Variants in CCNL2 observed in about 807,000 individuals in gnomAD.
The protein encoded by CCNL2 is cyclin-L2.
Under a neutral mutation model 59.1 loss-of-function variants are expected in CCNL2, and 28 were observed. The observed-to-expected ratio is 0.47, with a 90% CI of 0.35 to 0.65. The LOEUF (loss-of-function observed/expected upper bound fraction) is 0.65. Among genes scored for constraint, CCNL2 ranks in the 30% least tolerant of loss-of-function variants. The pLI is 0.00. For missense variants in CCNL2, 714 were observed against 717.4 expected, an observed-to-expected ratio of 1.00 and a Z score of 0.05; for synonymous variants, 342 against 288.6, an observed-to-expected ratio of 1.19 and a Z score of -1.88.
intron 8 of CCNL2, chr1:1,388,585 A>C (rs146981251): frequency 0.071 from 22,861 of 319,914 alleles, 678 homozygotes; most frequent in South Asian, 0.12. Context: ...CTCTCTCTCT[A>C]TATATATATA....
chr1:1,391,028 A>G (rs1644736708), intron 5 of CCNL2, 163 bp from the exon 6 acceptor site: 2 of 912,002 alleles, frequency 2.2e-6, no homozygotes, highest in African/African-American at 3.4e-5. Flanking sequence ...GTTAATGGAG[A>G]AATATTCTAG....
rs565206447 is a variant in CCNL2 at position 1,387,983 on chromosome 1, C to G, written c.1089G>C (p.Lys363Asn). The G allele has an allele frequency of 6.2e-7, 1 of 1,614,136 alleles. No individual in the cohort carries two copies. The highest frequency in any genetic ancestry group is 8.5e-7 in the Non-Finnish European group (1 of 1,180,038). The stretch of plus-strand genomic sequence containing the variant: ...TCACGGGGCTGTCCGCCTTGGCTTT[C>G]TTGGCGCCCTCCAGCCTCCTCTTGG... Reference protein sequence around the residue: ...KNTKRRLEGAKKAKADSPVNG... With the variant: ...KNTKRRLEGANKAKADSPVNG... The change falls in exon 9 of 11, where the codon AAG becomes AAC. Residue 363 changes from lysine to asparagine, a missense_variant. Lys to Asn is a moderately conservative substitution (Grantham distance 94). Around this residue, in one of 5 missense-constraint regions of CCNL2, gnomAD observed 403 missense variants for 377.7 expected, o/e 1.07. Transcript: ENST00000400809.
chr1:1,398,534 A>T, intron 2 of CCNL2, 63 bp downstream of exon 2: 1 of 1,590,968 alleles, frequency 6.3e-7, no homozygotes. Context: ...AACCGGGCAA[A>T]GTAACAAACC....
Position 1,394,132 on chromosome 1 carries a change from A to C in CCNL2, c.595-672T>G, listed in dbSNP as rs1007914575. On this transcript the variant is annotated intron_variant, in intron 4 of 10. Transcript: ENST00000400809. Reference sequence around the variant, plus strand: ...AGAGCGAGATTCCGTCTCCAAAAAAAAAAAAAAAGCACTTCAATCTGTGGT... The same window carrying C: ...AGAGCGAGATTCCGTCTCCAAAAAACAAAAAAAAGCACTTCAATCTGTGGT... 3.3e-5 allele frequency among the ~76,000 whole-genome samples: 5 copies of C among 152,116 alleles called. 1 individual carries two copies. Among genetic ancestry groups the C allele is most frequent in the Non-Finnish European group, 7.4e-5 (5 of 68,020 alleles).
At chr1:1,395,253 G>T in intron 4 of CCNL2, 141 bp downstream of exon 4, 1 of 792,860 alleles carries the variant, frequency 1.3e-6, no homozygotes, top group Non-Finnish European at 2.0e-6. Flanking sequence ...CTATTCTTGA[G>T]ATTATAAATA....
chr1:1,395,602 TAACAC>T, intron 3 of CCNL2, 88 bp from the exon 4 acceptor site: 26 of 1,557,554 alleles, frequency 1.7e-5, no homozygotes, highest in Non-Finnish European at 2.3e-5. Flanking sequence ...TATGAGCACC[TAACAC>T]AAACCCCACA....
chr1:1,393,039 T>C (rs1451491195), intron 5 of CCNL2: 1 of 604,944 alleles, frequency 1.7e-6, no homozygotes. Context: ...TCCCATGGGA[T>C]GCAATGTCAG....
In CCNL2 at chr1:1,390,751, T is replaced by C. The variant is rs1324004831; in HGVS notation, c.759+15A>G. The C allele has an allele frequency of 6.2e-7, 1 of 1,610,010 alleles. No homozygotes were observed. The highest frequency in any genetic ancestry group is 8.5e-7 in the Non-Finnish European group (1 of 1,176,414). On this transcript the variant is annotated intron_variant, in intron 6 of 10. Transcript: ENST00000400809. ...AAATCAGACTAGAATCTCTCCATAG[T>C]AGCAACACACTGACCTCCAGCGTCC...
chr1:1,396,924 T>C (rs1645066419), intron 3 of CCNL2, among the ~76,000 whole-genome samples: 1 of 152,054 alleles, frequency 6.6e-6, no homozygotes, highest in Non-Finnish European at 1.5e-5. Flanking sequence ...AACTTTTTTG[T>C]ATTTTTAGTA....
Position 1,390,511 on chromosome 1 carries a change from T to C in CCNL2, c.812A>G (p.Glu271Gly). ...CTTTAAGCAGATTTCCTGAATTTCT[T>C]CTTCAGTTGCTCCAAACAAAAGAAA... ...HWFLLFGATE[E>G]EIQEICLKIL... The change falls in exon 7 of 11, where the codon GAA becomes GGA. Residue 271 changes from glutamate (E) to glycine (G), a missense_variant. Around this residue, in one of 5 missense-constraint regions of CCNL2, gnomAD observed 403 missense variants for 377.7 expected, o/e 1.07. Coordinates refer to ENST00000400809, the MANE Select transcript of CCNL2 (RefSeq NM_030937.6). 1.2e-6 allele frequency: 2 copies of C among 1,613,854 alleles called. No homozygotes were observed. The highest frequency in any genetic ancestry group is 1.7e-6 in the Non-Finnish European group (2 of 1,179,964).
rs1182289110 is a variant in CCNL2 at position 1,387,050 on chromosome 1, A to G, written c.*181T>C. 1 of 578,610 alleles carries G rather than the reference A, an allele frequency of 1.7e-6. No homozygotes were observed. Among genetic ancestry groups the G allele is most frequent in the South Asian group, 2.4e-5 (1 of 41,204 alleles). 35.8% of individuals were successfully genotyped at this position (578,610 alleles called of 1,614,324 possible). A position where few individuals can be genotyped will look rare whatever the true frequency, so the allele number is the denominator to read the frequency against. ...CTGAAGCACGTGTCACCGGTCCCTC[A>G]GTTCCATTTCCAAATCCACCAAGGT... On this transcript the variant is annotated 3_prime_UTR_variant, in exon 11 of 11. Transcript: ENST00000400809.
At chr1:1,390,894 A>G (rs752552006) in intron 5 of CCNL2, 29 bp from the exon 6 acceptor site, 3 of 1,580,214 alleles carry the variant, frequency 1.9e-6, no homozygotes, top group Admixed American at 3.3e-5. Flanking sequence ...AAGAACTGCA[A>G]TGCCCCACCC....
chr1:1,395,510 G>A lies in CCNL2; in HGVS notation c.478C>T (p.Pro160Ser). ...TCTTGATCCAGTAGTAGAGGCACGG[G>A]CTTCCTGCCAGAGAGAGAGCACAGG... ...RLRQLRDKKK[P>S]VPLLLDQDYV... Residue 160 changes from proline to serine, a missense_variant, in exon 4 of 11, where the codon CCC becomes TCC. By Grantham distance (74) the Pro-to-Ser change is moderately conservative. Around this residue, in one of 5 missense-constraint regions of CCNL2, gnomAD observed 270 missense variants for 254.9 expected, o/e 1.06. Coordinates refer to ENST00000400809, the MANE Select transcript of CCNL2 (RefSeq NM_030937.6). The A allele has an allele frequency of 6.2e-7, 1 of 1,614,014 alleles. No individual in the cohort carries two copies. The highest frequency in any genetic ancestry group is 1.3e-5 in the African/African-American group (1 of 75,038).
chr1:1,387,634 C>G (rs544866839), intron 10 of CCNL2, 52 bp from the exon 11 acceptor site: 3 of 1,419,026 alleles, frequency 2.1e-6, no homozygotes, highest in Non-Finnish European at 2.8e-6. Flanking sequence ...CCCGGCCAGG[C>G]CCCACACACC....
intron 8 of CCNL2, among the ~76,000 whole-genome samples, chr1:1,390,008 T>C (rs1644676492): frequency 6.6e-6 from 1 of 150,864 alleles, no homozygotes; most frequent in Non-Finnish European, 1.5e-5. Context: ...GTCCTAGCTA[T>C]GCAGAAAGCT....
At position 1,390,829 on chromosome 1, in the gene CCNL2, G is replaced by A. The variant is rs763255792; in HGVS notation, c.696C>T (p.Phe232=). The A allele has an allele frequency of 1.6e-5, 26 of 1,614,030 alleles. No individual in the cohort carries two copies. Among genetic ancestry groups the A allele is most frequent in the Admixed American group, 1.5e-4 (9 of 59,992 alleles). Residue 232 remains phenylalanine, a synonymous_variant, in exon 6 of 11, where the codon TTC becomes TTT. Transcript: ENST00000400809. ...CGATGCTCTCTGGCTGGAACCGCACGAAGACGTCGGTGCGAAGGCTGTCGT... is the reference window on the plus strand; with the variant it reads ...CGATGCTCTCTGGCTGGAACCGCACAAAGACGTCGGTGCGAAGGCTGTCGT... ...YMNDSLRTDV[F]VRFQPESIAC...
In CCNL2 at chr1:1,388,047, C is replaced by A. The variant is rs1193106771; in HGVS notation, c.1025G>T (p.Gly342Val). Residue 342 changes from glycine (G) to valine (V), a missense_variant, in exon 9 of 11, where the codon GGT becomes GTT. This residue lies in a region of CCNL2 where 403 missense variants were observed against 377.7 expected (regional missense o/e 1.07). Transcript: ENST00000400809. ...CAGTGGGGAAGGCTTGCTCCCTTTA[C>A]CTTCTTTGGGGGATTCCACTAGAAT... ...APKLVESPKE[G>V]KGSKPSPLSV... The A allele has an allele frequency of 1.2e-6, 2 of 1,613,688 alleles. No homozygotes were observed. Among genetic ancestry groups the A allele is most frequent in the Non-Finnish European group, 1.7e-6 (2 of 1,179,900 alleles).
At position 1,395,481 on chromosome 1, in the gene CCNL2, A is replaced by G. The variant is rs374303472; in HGVS notation, c.507T>C (p.Tyr169=). The change falls in exon 4 of 11, where the codon TAT becomes TAC. Residue 169 remains tyrosine (Y), a synonymous_variant. Transcript: ENST00000400809. ...TTATAATTTGGTTCTTTAAATTAAC[A>G]TAATCTTGATCCAGTAGTAGAGGCA... The part of the protein sequence containing the change: ...KPVPLLLDQD[Y]VNLKNQIIKA... The G allele has an allele frequency of 1.2e-6, 2 of 1,614,172 alleles. No individual in the cohort carries two copies. Among genetic ancestry groups the G allele is most frequent in the African/African-American group, 1.3e-5 (1 of 75,058 alleles).
Position 1,395,352 on chromosome 1 carries a change from A to G in CCNL2, c.594+42T>C, listed in dbSNP as rs1037537580. ...TGGAGAGAGGCGGCCAGGCAGGAGC[A>G]GCGGCCTAGGCGGGCTCGCAGGGCA... On this transcript the variant is annotated intron_variant, in intron 4 of 10. Coordinates refer to ENST00000400809, the MANE Select transcript of CCNL2 (RefSeq NM_030937.6). The G allele has an allele frequency of 2.0e-5, 32 of 1,608,856 alleles. No individual in the cohort carries two copies. In the Admixed American group the frequency reaches 5.2e-4, roughly 26 times the overall value.
Sources: gnomAD v4.1 joint callset for allele counts (sites outside exome capture counted in the v4.1 genomes callset) on GRCh38, gnomAD v4.1.1 for gene constraint, gnomAD v4.1.1 regional missense constraint, MANE v1.5 for transcripts, NCBI Gene and HGNC (gene_info 2026-07-23, HGNC 2026-07-21) for gene names.